Variants in TUNAR observed in about 807,000 individuals in gnomAD.
The protein encoded by TUNAR is protein TUNAR.
chr14:95,890,702 A>G (rs2139656576), intron 2 of TUNAR, among the ~76,000 whole-genome samples: 1 of 152,368 alleles, frequency 6.6e-6, no homozygotes, highest in Non-Finnish European at 1.5e-5. Flanking sequence ...AGAAATTGGT[A>G]TAAGATTGCC....
chr14:95,884,657 G>T (rs1279551787), intron 2 of TUNAR, among the ~76,000 whole-genome samples: 1 of 152,164 alleles, frequency 6.6e-6, no homozygotes, highest in African/African-American at 2.4e-5. Flanking sequence ...GAAGTTTCTG[G>T]ATATAGACTG....
intron 2 of TUNAR, among the ~76,000 whole-genome samples, chr14:95,914,923 G>T (rs892043872): frequency 6.6e-6 from 1 of 152,136 alleles, no homozygotes; most frequent in East Asian, 1.9e-4. Flanking sequence ...AAAAACCGTG[G>T]TGCTCCCTTG....
At chr14:95,907,629 A>G (rs887354554) in intron 2 of TUNAR, among the ~76,000 whole-genome samples, 23 of 152,296 alleles carry the variant, frequency 1.5e-4, no homozygotes, top group African/African-American at 5.5e-4. Flanking sequence ...GAGTGTTACA[A>G]CAGCTCAGAG....
chr14:95,919,934 T>C (rs1889663240), intron 2 of TUNAR, among the ~76,000 whole-genome samples: 1 of 152,218 alleles, frequency 6.6e-6, no homozygotes, highest in African/African-American at 2.4e-5. Flanking sequence ...GATGTATGTA[T>C]ATGCTTGCCC....
intron 2 of TUNAR, among the ~76,000 whole-genome samples, chr14:95,878,083 C>G (rs573101437): frequency 2.1e-4 from 32 of 152,308 alleles, no homozygotes; most frequent in African/African-American, 7.5e-4. Context: ...ATTACTTAAC[C>G]GGAGCGGGGG....
intron 2 of TUNAR, among the ~76,000 whole-genome samples, chr14:95,894,140 C>T (rs917010711): frequency 3.3e-5 from 5 of 152,206 alleles, no homozygotes; most frequent in South Asian, 2.1e-4. Flanking sequence ...CGTCTGGCTT[C>T]GAGCACTGGT....
chr14:95,899,309 C>T (rs1251968237), intron 2 of TUNAR, among the ~76,000 whole-genome samples: 1 of 152,190 alleles, frequency 6.6e-6, no homozygotes, highest in Non-Finnish European at 1.5e-5. Context: ...CCAGAATCCA[C>T]TCCCAGGTAT....
chr14:95,888,800 G>A (rs1889119284), intron 2 of TUNAR, among the ~76,000 whole-genome samples: 1 of 149,934 alleles, frequency 6.7e-6, no homozygotes, highest in South Asian at 2.2e-4. Context: ...GCCCATATTC[G>A]AGGGGATGGG....
chr14:95,922,332 T>G (rs540663650), intron 2 of TUNAR, among the ~76,000 whole-genome samples: 59 of 152,342 alleles, frequency 3.9e-4, no homozygotes, highest in Admixed American at 1.5e-3. Flanking sequence ...AGCTTTAGCA[T>G]GGTAGGACTG....
intron 2 of TUNAR, among the ~76,000 whole-genome samples, chr14:95,892,436 C>T (rs563354660): frequency 4.6e-5 from 7 of 152,358 alleles, no homozygotes; most frequent in East Asian, 1.9e-4. Flanking sequence ...TCCGGGGAGC[C>T]GGGCCACCTC....
intron 2 of TUNAR, among the ~76,000 whole-genome samples, chr14:95,909,377 G>A (rs890191217): frequency 4.1e-5 from 6 of 146,728 alleles, no homozygotes; most frequent in Admixed American, 6.9e-5. Context: ...TCCTCCTCCC[G>A]GGTTCAAGCG....
chr14:95,885,926 A>G (rs1395843360), intron 2 of TUNAR, among the ~76,000 whole-genome samples: 10 of 152,004 alleles, frequency 6.6e-5, no homozygotes, highest in Admixed American at 6.6e-4. Flanking sequence ...GCTTGTCTGT[A>G]TCTGTTGTCT....
chr14:95,922,011 C>A (rs968728295), intron 2 of TUNAR, among the ~76,000 whole-genome samples: 5 of 152,178 alleles, frequency 3.3e-5, no homozygotes, highest in African/African-American at 1.2e-4. Flanking sequence ...ACTTCCAGTT[C>A]TCTGCTATGG....
At chr14:95,900,706 G>A (rs1889338851) in intron 2 of TUNAR, among the ~76,000 whole-genome samples, 1 of 152,206 alleles carries the variant, frequency 6.6e-6, no homozygotes, top group Non-Finnish European at 1.5e-5. Context: ...TGACAAGGTG[G>A]CCAACAGTTC....
At position 95,876,858 on chromosome 14, in the gene TUNAR, AG is replaced by A. The variant is rs1438833950; in HGVS notation, c.-306del. The A allele has an allele frequency of 2.6e-5, 4 of 152,156 alleles. No homozygotes were observed. The highest frequency in any genetic ancestry group is 4.4e-5 in the Non-Finnish European group (3 of 68,122). 9.4% of individuals were successfully genotyped at this position (152,156 alleles called of 1,614,324 possible). A position where few individuals can be genotyped will look rare whatever the true frequency, so the allele number is the denominator to read the frequency against. On this transcript the variant is annotated splice_acceptor_variant, in intron 1 of 2. Transcript: ENST00000678517. LOFTEE classifies it low-confidence loss of function (5UTR_SPLICE). Reference sequence around the variant, plus strand: ...TCTTTCCCTCCGCGCTGCCTCTCCGAGGTCCTCCCGCCGAGCCCCGGCGCGG... The same window carrying A: ...TCTTTCCCTCCGCGCTGCCTCTCCGAGTCCTCCCGCCGAGCCCCGGCGCGG...
chr14:95,882,896 T>G (rs781750310), intron 2 of TUNAR, among the ~76,000 whole-genome samples: 1 of 152,236 alleles, frequency 6.6e-6, no homozygotes, highest in African/African-American at 2.4e-5. Flanking sequence ...AGTCTTATAT[T>G]TTTAAATAAA....
At chr14:95,898,146 T>G (rs1021827828) in intron 2 of TUNAR, among the ~76,000 whole-genome samples, 1 of 152,238 alleles carries the variant, frequency 6.6e-6, no homozygotes, top group Non-Finnish European at 1.5e-5. Context: ...TGAAAATGTC[T>G]GTATTTTATG....
chr14:95,917,411 A>T (rs1307790535), intron 2 of TUNAR, among the ~76,000 whole-genome samples: 1 of 152,186 alleles, frequency 6.6e-6, no homozygotes, highest in Non-Finnish European at 1.5e-5. Context: ...AGACATATTG[A>T]TGCCCTATGA....
chr14:95,918,792 C>T lies in TUNAR; in HGVS notation c.13-3989C>T, dbSNP rs552864825. On this transcript the variant is annotated intron_variant, in intron 2 of 2. Coordinates refer to ENST00000678517, the Ensembl canonical transcript of TUNAR. ...CAGGCGCTTTGTTTTGCTTGAGTGA[C>T]TGTGATGATGGGTCTTTGGTTATAA... 5.6e-4 allele frequency among the ~76,000 whole-genome samples: 86 copies of T among 152,300 alleles called. No individual in the cohort carries two copies. In the South Asian group the frequency reaches 0.018, roughly 31 times the overall value.
Sources: gnomAD v4.1 joint callset for allele counts (sites outside exome capture counted in the v4.1 genomes callset) on GRCh38, gnomAD v4.1.1 for gene constraint, MANE v1.5 for transcripts, NCBI Gene and HGNC (gene_info 2026-07-23, HGNC 2026-07-21) for gene names.